Variants in BMP5 observed in about 807,000 individuals in gnomAD.
BMP5 encodes the protein bone morphogenetic protein 5.
A neutral mutation model predicts 46.6 loss-of-function variants in BMP5; 23 were observed. The observed-to-expected ratio is 0.49, with a 90% CI of 0.35 to 0.70. The LOEUF is 0.70. BMP5 is among the 30% of genes least tolerant of loss of function. The probability of loss-of-function intolerance (pLI) is 0.00; values close to 1 mark genes in which losing one functional copy is unlikely to be tolerated. For synonymous variants in BMP5, 204 were observed against 191.9 expected (o/e 1.06, Z -0.52); for missense variants, 545 against 565.6 (o/e 0.96, Z 0.37).
chr6:55,816,473 AT>A (rs1776271857), intron 2 of BMP5, among the ~76,000 whole-genome samples: 1 of 152,152 alleles, frequency 6.6e-6, no homozygotes, highest in Non-Finnish European at 1.5e-5. Context: ...AAAATAACAT[AT>A]TATAGTATTC....
intron 1 of BMP5, 82 bp from the exon 2 acceptor site, chr6:55,819,929 G>T: frequency 8.1e-7 from 1 of 1,238,768 alleles, no homozygotes; most frequent in Non-Finnish European, 1.2e-6. Context: ...CTCCAGCTTT[G>T]AAAGAAAACA....
intron 2 of BMP5, among the ~76,000 whole-genome samples, chr6:55,817,193 G>A (rs7774192): frequency 0.012 from 1,857 of 152,246 alleles, 38 homozygotes; most frequent in African/African-American, 0.042. Context: ...ATACTGTGGC[G>A]ATTCCTCAAG....
At chr6:55,788,821 C>G (rs17733982) in intron 3 of BMP5, among the ~76,000 whole-genome samples, 1 of 151,816 alleles carries the variant, frequency 6.6e-6, no homozygotes, top group East Asian at 1.9e-4. Flanking sequence ...ATGTAGCTAT[C>G]TGTTCATTTA....
chr6:55,816,290 C>T (rs1776268083), intron 2 of BMP5, among the ~76,000 whole-genome samples: 1 of 151,954 alleles, frequency 6.6e-6, no homozygotes, highest in Non-Finnish European at 1.5e-5. Flanking sequence ...AAATAAATAA[C>T]TTATCCTTAT....
intron 4 of BMP5, among the ~76,000 whole-genome samples, chr6:55,769,949 A>G (rs1775008025): frequency 6.6e-6 from 1 of 151,862 alleles, no homozygotes; most frequent in African/African-American, 2.4e-5. Flanking sequence ...TTAATAAACC[A>G]TGCTATCAAC....
intron 6 of BMP5, among the ~76,000 whole-genome samples, chr6:55,757,605 C>T (rs1774641212): frequency 6.6e-6 from 1 of 151,914 alleles, no homozygotes; most frequent in Non-Finnish European, 1.5e-5. Flanking sequence ...TAAAGAAGAG[C>T]TTATACTTAC....
At chr6:55,759,172 A>AAAAAAAAAAAAAAAAAAAAAAAAC (rs1562023483) in intron 5 of BMP5, 57 bp from the exon 6 acceptor site, 28 of 738,808 alleles carry the variant, frequency 3.8e-5, no homozygotes, top group South Asian at 2.5e-4. Flanking sequence ...AAAAAAAAAA[A>AAAAAAAAAAAAAAAAAAAAAAAAC]AAAAAAAAAA....
intron 4 of BMP5, among the ~76,000 whole-genome samples, chr6:55,769,146 A>G (rs1774986748): frequency 1.3e-5 from 2 of 151,926 alleles, no homozygotes; most frequent in Admixed American, 1.3e-4. Flanking sequence ...CTTAAAAGAC[A>G]ACGATAAAAT....
At chr6:55,832,947 C>T (rs1776700380) in intron 1 of BMP5, among the ~76,000 whole-genome samples, 1 of 151,096 alleles carries the variant, frequency 6.6e-6, no homozygotes, top group Admixed American at 6.6e-5. Context: ...CCTGTCTCTA[C>T]AAAAATTTAA....
At chr6:55,837,380 C>T (rs200134139) in intron 1 of BMP5, among the ~76,000 whole-genome samples, 23 of 83,570 alleles carry the variant, frequency 2.8e-4, no homozygotes, top group African/African-American at 4.2e-4. Context: ...GATAGATAGA[C>T]AGACAGATAG....
chr6:55,791,547 A>C (rs967309734), intron 3 of BMP5, among the ~76,000 whole-genome samples: 2 of 152,242 alleles, frequency 1.3e-5, no homozygotes, highest in African/African-American at 2.4e-5. Flanking sequence ...CTAGTAATTT[A>C]AAGTAAAATT....
chr6:55,874,851 T>C lies in BMP5; in HGVS notation c.15A>G (p.Val5=). The C allele has an allele frequency of 6.2e-7, 1 of 1,612,676 alleles. No homozygotes were observed. Among genetic ancestry groups the C allele is most frequent in the Non-Finnish European group, 8.5e-7 (1 of 1,179,418 alleles). Residue 5 remains valine, a synonymous_variant, in exon 1 of 7, where the codon GTA becomes GTG. Transcript: ENST00000370830. MHLT[V]FLLKGIVGFL... is the part of the protein sequence containing the mutation. ...AACCCACAATACCCTTAAGTAAAAA[T>C]ACAGTCAGATGCATTTTTGTCCAAA...
intron 2 of BMP5, among the ~76,000 whole-genome samples, chr6:55,810,055 A>G (rs994641385): frequency 2.0e-5 from 3 of 152,166 alleles, no homozygotes; most frequent in African/African-American, 7.2e-5. Flanking sequence ...GAGACTACAA[A>G]TTAATAATGG....
At chr6:55,781,992 A>C (rs1775329646) in intron 3 of BMP5, among the ~76,000 whole-genome samples, 1 of 152,106 alleles carries the variant, frequency 6.6e-6, no homozygotes, top group Admixed American at 6.6e-5. Flanking sequence ...AAATAGAAGA[A>C]AAATAAATTA....
At chr6:55,819,519 C>G in intron 2 of BMP5, 136 bp downstream of exon 2, 1 of 736,304 alleles carries the variant, frequency 1.4e-6, no homozygotes, top group South Asian at 1.8e-5. Context: ...CTTTCAATAT[C>G]TCTACCTGGC....
intron 1 of BMP5, among the ~76,000 whole-genome samples, chr6:55,833,637 A>C (rs1377605342): frequency 6.6e-6 from 1 of 152,214 alleles, no homozygotes; most frequent in Non-Finnish European, 1.5e-5. Context: ...GAAAGAATGA[A>C]GGGCTAAAAA....
intron 1 of BMP5, among the ~76,000 whole-genome samples, chr6:55,825,826 A>T (rs1031010056): frequency 6.6e-6 from 1 of 151,882 alleles, no homozygotes; most frequent in Non-Finnish European, 1.5e-5. Flanking sequence ...AAGAGCTGTA[A>T]CTTGGAAGAC....
intron 2 of BMP5, among the ~76,000 whole-genome samples, chr6:55,800,290 A>T (rs1321531071): frequency 6.6e-6 from 1 of 152,230 alleles, no homozygotes; most frequent in African/African-American, 2.4e-5. Context: ...TTTGAGAGTG[A>T]AACAAGGAAT....
intron 2 of BMP5, among the ~76,000 whole-genome samples, chr6:55,814,794 A>G (rs915869789): frequency 6.6e-6 from 1 of 152,216 alleles, no homozygotes; most frequent in Admixed American, 6.5e-5. Context: ...AAATAAAAAA[A>G]GTGTTTTGCT....
Sources: gnomAD v4.1 joint callset for allele counts (sites outside exome capture counted in the v4.1 genomes callset) on GRCh38, gnomAD v4.1.1 for gene constraint, MANE v1.5 for transcripts, NCBI Gene and HGNC (gene_info 2026-07-23, HGNC 2026-07-21) for gene names.